MUC6: variants seen among roughly 807,000 people sequenced by gnomAD.
MUC6 encodes the protein mucin 6, oligomeric mucus/gel-forming (gene/pseudogene).
In MUC6, 188 loss-of-function variants were observed where a neutral mutation model predicts 201.5. The ratio of observed to expected loss-of-function variants is 0.93; its 90% CI spans 0.83 to 1.05. MUC6 has a LOEUF of 1.05. Among genes scored for constraint, MUC6 ranks in the 50% least tolerant of loss-of-function variants. The pLI, the probability that MUC6 is intolerant of heterozygous loss-of-function variation, is 0.00. For synonymous variants in MUC6, 1,228 were observed against 1,389.4 expected (o/e 0.88, Z 2.58); for missense variants, 2,706 against 3,256.9 (o/e 0.83, Z 4.12).
At position 1,027,342 on chromosome 11, in the gene MUC6, G is replaced by A; in HGVS notation, c.2157C>T (p.Ala719=). 1 of 1,612,974 alleles carries A rather than the reference G, an allele frequency of 6.2e-7. No individual in the cohort carries two copies. Among genetic ancestry groups the A allele is most frequent in the South Asian group, 1.1e-5 (1 of 91,082 alleles). Reference sequence around the variant, plus strand: ...AACCCTCCAGTATGCACGGGCACTGGGCCTTGCGCACACACTCGCCCTTTT... The same window carrying A: ...AACCCTCCAGTATGCACGGGCACTGAGCCTTGCGCACACACTCGCCCTTTT... ...LNQKGECVRK[A]QCPCILEGYK... The change falls in exon 17 of 33, where the codon GCC becomes GCT. Residue 719 remains alanine (A), a synonymous_variant. Coordinates refer to ENST00000421673, the MANE Select transcript of MUC6 (RefSeq NM_005961.3).
At chr11:1,024,725 A>G in intron 24 of MUC6, 119 bp downstream of exon 24, 1 of 1,445,412 alleles carries the variant, frequency 6.9e-7, no homozygotes, top group Non-Finnish European at 9.2e-7. Context: ...CTGCACCCTG[A>G]CCTGGCTGGT....
intron 30 of MUC6, among the ~76,000 whole-genome samples, 178 bp downstream of exon 30, chr11:1,019,097 C>G (rs902049981): frequency 3.3e-5 from 5 of 152,370 alleles, no homozygotes; most frequent in Admixed American, 3.3e-4. Context: ...CCAGGCCTGC[C>G]TTTGTGAGTG....
chr11:1,023,650 T>A lies in MUC6; in HGVS notation c.3385A>T (p.Ile1129Phe). The change falls in exon 26 of 33, where the codon ATC becomes TTC. Residue 1129 changes from isoleucine to phenylalanine, a missense_variant and splice_region_variant. Ile to Phe is a conservative substitution (Grantham distance 21). Around this residue, in one of 10 missense-constraint regions of MUC6, gnomAD observed 1,850 missense variants for 1,958.3 expected, o/e 0.94. Transcript: ENST00000421673. Reference sequence around the variant, plus strand: ...TGCGTGTTGTAGAAGCCGCAGTAGATGGCTGGGAGGAAGGGAGCTGTCAGC... The same window carrying A: ...TGCGTGTTGTAGAAGCCGCAGTAGAAGGCTGGGAGGAAGGGAGCTGTCAGC... ...VDWRTPAFCP[I>F]YCGFYNTHTQ... 6.2e-7 allele frequency: 1 copy of A among 1,612,224 alleles called. No homozygotes were observed. The highest frequency in any genetic ancestry group is 8.5e-7 in the Non-Finnish European group (1 of 1,179,614).
chr11:1,030,094 G>A (rs1857064886), intron 8 of MUC6, 119 bp downstream of exon 8: 1 of 1,242,636 alleles, frequency 8.0e-7, no homozygotes, highest in Admixed American at 2.7e-5. Context: ...CCAGAGCTGG[G>A]ACTCAGGCAG....
At chr11:1,028,456 G>A in intron 13 of MUC6, 69 bp from the exon 14 acceptor site, 1 of 1,575,006 alleles carries the variant, frequency 6.3e-7, no homozygotes. Flanking sequence ...CACACGCCCT[G>A]GAGCTCCCGT....
chr11:1,012,985 CTG>C lies in MUC6; in HGVS notation c.*469_*470del, dbSNP rs1856509421. The C allele has an allele frequency of 6.3e-6, 1 of 159,204 alleles. No individual in the cohort carries two copies. Among genetic ancestry groups the C allele is most frequent in the Admixed American group, 6.4e-5 (1 of 15,666 alleles). 9.9% of individuals were successfully genotyped at this position (159,204 alleles called of 1,614,324 possible). A position where few individuals can be genotyped will look rare whatever the true frequency, so the allele number is the denominator to read the frequency against. Reference sequence around the variant, plus strand: ...CTGCCACCCTCTGCCCTCCCTGACTCTGGGGATCTCCTCTTCTCTGTGCTGGT... The same window carrying C: ...CTGCCACCCTCTGCCCTCCCTGACTCGGGATCTCCTCTTCTCTGTGCTGGT... On this transcript the variant is annotated 3_prime_UTR_variant, in exon 33 of 33. Coordinates refer to ENST00000421673, the MANE Select transcript of MUC6 (RefSeq NM_005961.3).
In MUC6 at chr11:1,030,557, C is replaced by T; in HGVS notation, c.892+16G>A. 6.7e-7 allele frequency: 1 copy of T among 1,482,496 alleles called. No homozygotes were observed. Among genetic ancestry groups the T allele is most frequent in the Non-Finnish European group, 9.0e-7 (1 of 1,115,872 alleles). 91.8% of individuals were successfully genotyped at this position (1,482,496 alleles called of 1,614,324 possible). A position where few individuals can be genotyped will look rare whatever the true frequency, so the allele number is the denominator to read the frequency against. On this transcript the variant is annotated intron_variant, in intron 7 of 32. Transcript: ENST00000421673. ...CTCGGCCTTCCTGCCCCTCCCTCTC[C>T]CTTCCCTGGACTCACAGCACAGGCC...
At chr11:1,022,370 G>A (rs912759793) in intron 26 of MUC6, among the ~76,000 whole-genome samples, 2 of 151,720 alleles carry the variant, frequency 1.3e-5, no homozygotes, top group East Asian at 1.9e-4. Context: ...TGCAGCCCGC[G>A]CCCCTCACTC....
chr11:1,025,300 C>G lies in MUC6; in HGVS notation c.2867G>C (p.Gly956Ala). ...VTGEEPHVQLGVTPGALSLVV... is the reference protein window; with the variant it reads ...VTGEEPHVQLAVTPGALSLVV... ...AAGGCTCAGCGCACCCGGCGTCACCCCGAGCTGCACGTGGGGCTCCTCCCC... is the reference window on the plus strand; with the variant it reads ...AAGGCTCAGCGCACCCGGCGTCACCGCGAGCTGCACGTGGGGCTCCTCCCC... The change falls in exon 23 of 33, where the codon GGG (glycine) becomes GCG (alanine). Residue 956 changes from glycine (G) to alanine (A), a missense_variant. Gly to Ala is a moderately conservative substitution (Grantham distance 60). Around this residue, in one of 10 missense-constraint regions of MUC6, gnomAD observed 1,850 missense variants for 1,958.3 expected, o/e 0.94. Transcript: ENST00000421673. The G allele has an allele frequency of 6.2e-7, 1 of 1,612,666 alleles. No individual in the cohort carries two copies. Among genetic ancestry groups the G allele is most frequent in the Non-Finnish European group, 8.5e-7 (1 of 1,179,798 alleles).
chr11:1,031,549 C>A, intron 4 of MUC6, 58 bp downstream of exon 4: 1 of 1,529,686 alleles, frequency 6.5e-7, no homozygotes, highest in Non-Finnish European at 8.8e-7. Context: ...CCTCCCAAGT[C>A]CCACCTGCCC....
intron 30 of MUC6, 147 bp downstream of exon 30, chr11:1,019,128 C>T: frequency 9.8e-7 from 1 of 1,019,998 alleles, no homozygotes; most frequent in South Asian, 1.6e-5. Context: ...TTCCTTGCCT[C>T]CAGCTCCAGC....
In MUC6 at chr11:1,024,100, A is replaced by G. The variant is rs1177936714; in HGVS notation, c.3229T>C (p.Tyr1077His). ...QTFATCHSKV[Y>H]HLPYYEACVR... ...CAGGCCTCGTAGTAGGGCAGGTGGT[A>G]TACCTGCAGGGGTGTGTGCCAGTCA... Residue 1077 changes from tyrosine to histidine, a missense_variant, in exon 25 of 33, where the codon TAC (tyrosine) becomes CAC (histidine). Tyr to His is a moderately conservative substitution (Grantham distance 83). Transcript: ENST00000421673. 2 of 1,612,196 alleles carry G rather than the reference A, an allele frequency of 1.2e-6. No homozygotes were observed. The highest frequency in any genetic ancestry group is 3.3e-5 in the Admixed American group (2 of 59,954).
chr11:1,016,323 C>G lies in MUC6; in HGVS notation c.6478G>C (p.Gly2160Arg). 6.2e-7 allele frequency: 1 copy of G among 1,611,000 alleles called. No individual in the cohort carries two copies. ...SSPQTSSPSV[G>R]TSSSFVSAPV... ...GCGGACACGAAAGAGGAAGATGTGC[C>G]AACAGAAGGCGATGAAGTCTGGGGA... is the stretch of plus-strand genomic sequence containing the variant. Residue 2160 changes from glycine (G) to arginine (R), a missense_variant, in exon 31 of 33, where the codon GGC becomes CGC. This residue lies in a region of MUC6 where 586 missense variants were observed against 488.0 expected (regional missense o/e 1.20). Coordinates refer to ENST00000421673, the MANE Select transcript of MUC6 (RefSeq NM_005961.3).
chr11:1,024,694 A>G (rs1415008360), intron 24 of MUC6, 150 bp downstream of exon 24: 5 of 1,307,564 alleles, frequency 3.8e-6, no homozygotes, highest in Non-Finnish European at 5.1e-6. Context: ...CCCTGCACTC[A>G]GGCAGAGGGT....
intron 28 of MUC6, 102 bp downstream of exon 28, chr11:1,020,582 C>G: frequency 6.6e-7 from 1 of 1,515,942 alleles, no homozygotes; most frequent in Non-Finnish European, 9.1e-7. Flanking sequence ...CAGGTACTGC[C>G]TGCCCCCTCC....
intron 1 of MUC6, among the ~76,000 whole-genome samples, chr11:1,035,141 T>C (rs538628481): frequency 6.6e-6 from 1 of 152,190 alleles, no homozygotes; most frequent in South Asian, 2.1e-4. Context: ...GCAGCCCGTC[T>C]GTCCGACCCC....
chr11:1,026,165 G>C, intron 20 of MUC6, 24 bp from the exon 21 acceptor site: 1 of 1,580,058 alleles, frequency 6.3e-7, no homozygotes, highest in Non-Finnish European at 8.6e-7. Context: ...AGGTGTGGGT[G>C]GTGGGCCTGC....
chr11:1,028,988 G>C (rs1183473545), intron 11 of MUC6, 27 bp from the exon 12 acceptor site: 1 of 1,612,940 alleles, frequency 6.2e-7, no homozygotes, highest in African/African-American at 1.3e-5. Flanking sequence ...CTGAGTCAGG[G>C]TGCAGGCACC....
intron 26 of MUC6, among the ~76,000 whole-genome samples, chr11:1,021,900 C>T (rs1856817053): frequency 6.6e-6 from 1 of 152,078 alleles, no homozygotes; most frequent in Admixed American, 6.5e-5. Context: ...CCTCCTCCAC[C>T]ACTTGGGCCA....
Sources: allele counts gnomAD v4.1 joint callset (sites outside exome capture counted in the v4.1 genomes callset), GRCh38; gene constraint gnomAD v4.1.1; regional missense constraint gnomAD v4.1.1; transcripts MANE v1.5; gene names NCBI Gene and HGNC (gene_info 2026-07-23, HGNC 2026-07-21).